Variants in LRRC4C observed in about 807,000 individuals in gnomAD.
LRRC4C encodes leucine-rich repeat-containing protein 4C.
A neutral mutation model predicts 33.6 loss-of-function variants in LRRC4C; 5 were observed. The ratio of observed to expected loss-of-function variants is 0.15; its 90% CI spans 0.08 to 0.31. The LOEUF is 0.31. LRRC4C is among the 10% of genes least tolerant of loss of function. LRRC4C has a pLI of 1.00. For synonymous variants in LRRC4C, 329 were observed against 302.0 expected, an observed-to-expected ratio of 1.09 and a Z score of -0.93; for missense variants, 560 against 796.7, an observed-to-expected ratio of 0.70 and a Z score of 3.58.
chr11:41,005,006 A>ATT lies in LRRC4C; in HGVS notation c.-495-71284_-495-71283insAA, dbSNP rs371065177. Among the ~76,000 whole-genome samples the ATT allele has an allele frequency of 4.0e-4, 60 of 151,482 alleles. 1 individual carries two copies. The highest frequency in any genetic ancestry group is 3.8e-3 in the South Asian group (18 of 4,794). On this transcript the variant is annotated intron_variant, in intron 1 of 6. Transcript: ENST00000528697. ...TTATAACTTTCATTATTATTATTAT[A>ATT]ATTATTACAGAATTCAGGATTCTAT...
intron 1 of LRRC4C, among the ~76,000 whole-genome samples, chr11:40,943,351 C>T (rs1259865104): frequency 6.6e-6 from 1 of 152,170 alleles, no homozygotes; most frequent in East Asian, 1.9e-4. Flanking sequence ...TACTGTGCTA[C>T]AGTTCTCAGC....
chr11:40,939,042 GA>G (rs546746960), intron 1 of LRRC4C, among the ~76,000 whole-genome samples: 1 of 151,828 alleles, frequency 6.6e-6, no homozygotes. Context: ...ATAGTGAATG[GA>G]AAAAAAGGAA....
intron 2 of LRRC4C, among the ~76,000 whole-genome samples, chr11:40,871,530 C>G (rs1954646238): frequency 6.6e-6 from 1 of 152,052 alleles, no homozygotes; most frequent in African/African-American, 2.4e-5. Flanking sequence ...CGATACAGGG[C>G]CCAGTCACTC....
intron 3 of LRRC4C, among the ~76,000 whole-genome samples, chr11:40,616,858 T>C (rs1961893036): frequency 6.7e-6 from 1 of 150,280 alleles, no homozygotes; most frequent in South Asian, 2.1e-4. Context: ...CATGTATACA[T>C]ATGTAACAAA....
chr11:40,984,928 A>G (rs536698295), intron 1 of LRRC4C, among the ~76,000 whole-genome samples: 9 of 33,964 alleles, frequency 2.6e-4, no homozygotes, highest in Middle Eastern at 0.033. Flanking sequence ...TTGAGACGCA[A>G]TCTCGCTCTG....
At chr11:40,572,163 C>A (rs1591143413) in intron 3 of LRRC4C, among the ~76,000 whole-genome samples, 1 of 152,278 alleles carries the variant, frequency 6.6e-6, no homozygotes, top group East Asian at 1.9e-4. Flanking sequence ...ATGGGGAACA[C>A]AACTTTTTAA....
chr11:40,417,714 ATTCATTCT>A (rs1265195595), intron 3 of LRRC4C, among the ~76,000 whole-genome samples: 2 of 152,052 alleles, frequency 1.3e-5, no homozygotes, highest in Non-Finnish European at 2.9e-5. Flanking sequence ...CCATTTATTT[ATTCATTCT>A]TTCTTTTAAC....
intron 1 of LRRC4C, among the ~76,000 whole-genome samples, chr11:41,090,606 T>G (rs984443315): frequency 1.3e-5 from 2 of 152,106 alleles, no homozygotes; most frequent in Non-Finnish European, 2.9e-5. Flanking sequence ...GCAAATGTGT[T>G]AAAATGGTTT....
intron 3 of LRRC4C, among the ~76,000 whole-genome samples, chr11:40,483,402 A>C (rs1953692185): frequency 6.6e-6 from 1 of 152,194 alleles, no homozygotes; most frequent in South Asian, 2.1e-4. Flanking sequence ...ACCAAAAATA[A>C]TAGAGAGCTC....
At chr11:41,140,209 C>T (rs1158712165) in intron 1 of LRRC4C, among the ~76,000 whole-genome samples, 3 of 152,110 alleles carry the variant, frequency 2.0e-5, no homozygotes, top group Non-Finnish European at 4.4e-5. Context: ...TTACCCAACC[C>T]TGCTATCCTG....
chr11:41,367,615 T>C (rs1952591564), intron 1 of LRRC4C, among the ~76,000 whole-genome samples: 1 of 152,202 alleles, frequency 6.6e-6, no homozygotes, highest in South Asian at 2.1e-4. Context: ...TGGTCAAATG[T>C]ATATGTATGT....
intron 2 of LRRC4C, among the ~76,000 whole-genome samples, chr11:40,686,901 C>G (rs1944986089): frequency 6.6e-6 from 1 of 151,964 alleles, no homozygotes; most frequent in Non-Finnish European, 1.5e-5. Flanking sequence ...CTTGCCACTT[C>G]AAGAGTAGGC....
chr11:40,279,886 TATA>T (rs1373255302), intron 4 of LRRC4C, among the ~76,000 whole-genome samples: 7 of 152,192 alleles, frequency 4.6e-5, no homozygotes, highest in African/African-American at 1.7e-4. Context: ...CTCTGGGAGA[TATA>T]ATTTCATTTT....
At chr11:40,328,451 GT>G (rs1023817815) in intron 3 of LRRC4C, among the ~76,000 whole-genome samples, 2 of 151,860 alleles carry the variant, frequency 1.3e-5, no homozygotes, top group Non-Finnish European at 2.9e-5. Context: ...CACATTGTGT[GT>G]TTTTTTTCAT....
intron 2 of LRRC4C, among the ~76,000 whole-genome samples, chr11:40,732,200 C>A (rs560299122): frequency 6.6e-6 from 1 of 152,068 alleles, no homozygotes; most frequent in East Asian, 1.9e-4. Context: ...TTTGTGCAAC[C>A]ATTATCAGAA....
chr11:40,721,949 T>C (rs1261968972), intron 2 of LRRC4C, among the ~76,000 whole-genome samples: 1 of 151,930 alleles, frequency 6.6e-6, no homozygotes, highest in Non-Finnish European at 1.5e-5. Context: ...CCTCTCAAAA[T>C]AAATAAATAA....
intron 2 of LRRC4C, among the ~76,000 whole-genome samples, chr11:40,783,052 A>G (rs2137293411): frequency 6.6e-6 from 1 of 152,244 alleles, no homozygotes; most frequent in East Asian, 1.9e-4. Context: ...TTCTTCTCAA[A>G]CAACATATTA....
intron 2 of LRRC4C, among the ~76,000 whole-genome samples, chr11:40,661,769 A>G (rs182962957): frequency 1.3e-5 from 2 of 152,334 alleles, no homozygotes; most frequent in East Asian, 1.9e-4. Context: ...ACTAACTGCT[A>G]TATGCTCTAT....
intron 1 of LRRC4C, among the ~76,000 whole-genome samples, chr11:41,406,750 A>ACACG (rs1954256269): frequency 7.2e-6 from 1 of 138,950 alleles, no homozygotes; most frequent in Admixed American, 7.3e-5. Flanking sequence ...ACACACACAC[A>ACACG]CGCACCCTTA....
Sources: gnomAD v4.1 joint callset for allele counts (sites outside exome capture counted in the v4.1 genomes callset) on GRCh38, gnomAD v4.1.1 for gene constraint, MANE v1.5 for transcripts, NCBI Gene and HGNC (gene_info 2026-07-23, HGNC 2026-07-21) for gene names.